Variants in CUX2 observed in about 807,000 individuals in gnomAD.
CUX2 encodes the protein cut like homeobox 2, also known as homeobox protein cut-like 2.
A neutral mutation model predicts 144.8 loss-of-function variants in CUX2; 40 were observed. The ratio of observed to expected loss-of-function variants is 0.28; its 90% CI spans 0.21 to 0.36. The LOEUF (loss-of-function observed/expected upper bound fraction) is 0.36, where lower values mean the gene tolerates loss of function less well. Ranked by LOEUF, CUX2 falls within the 10% of genes least tolerant of loss-of-function variation. CUX2 has a pLI of 1.00. For synonymous variants in CUX2, 827 were observed against 875.6 expected (o/e 0.94, Z 0.98); for missense variants, 1,615 against 1,994.0 (o/e 0.81, Z 3.62).
chr12:111,076,750 T>C (rs949553761), intron 1 of CUX2, among the ~76,000 whole-genome samples: 1 of 152,212 alleles, frequency 6.6e-6, no homozygotes, highest in Non-Finnish European at 1.5e-5. Flanking sequence ...GGTCAGCCGT[T>C]GACTACGGGC....
At chr12:111,110,237 G>A (rs1429084773) in intron 1 of CUX2, among the ~76,000 whole-genome samples, 1 of 152,090 alleles carries the variant, frequency 6.6e-6, no homozygotes, top group African/African-American at 2.4e-5. Flanking sequence ...AAGGCCACTT[G>A]TGATCCATCC....
intron 1 of CUX2, among the ~76,000 whole-genome samples, chr12:111,056,001 G>A (rs1038803024): frequency 1.3e-5 from 2 of 152,180 alleles, no homozygotes; most frequent in Non-Finnish European, 1.5e-5. Context: ...GGCTTCCTGC[G>A]TTCTTTCCCC....
In CUX2 at chr12:111,322,526, T is replaced by TGGCTCTC; in HGVS notation, c.2873_2879dup (p.Asp961AlafsTer3). The TGGCTCTC allele has an allele frequency of 6.2e-7, 1 of 1,609,626 alleles. No individual in the cohort carries two copies. Among genetic ancestry groups the TGGCTCTC allele is most frequent in the Non-Finnish European group, 8.5e-7 (1 of 1,179,262 alleles). On this transcript the variant is annotated frameshift_variant, in exon 18 of 22. Transcript: ENST00000261726. LOFTEE classifies it high-confidence loss of function. This position sits in a 1 kb window ranked among gnomAD's most constrained non-coding sequence, Gnocchi z 4.2. ...GGAGCCCTTCATCCGCATGCAGCTGTGGCTCTCTGACCAGCTCGGCCAGGC... is the reference window on the plus strand; with the variant it reads ...GGAGCCCTTCATCCGCATGCAGCTGTGGCTCTCGGCTCTCTGACCAGCTCGGCCAGGC...
intron 1 of CUX2, among the ~76,000 whole-genome samples, chr12:111,089,979 TG>T (rs1257812415): frequency 6.6e-6 from 1 of 151,986 alleles, no homozygotes; most frequent in Non-Finnish European, 1.5e-5. Flanking sequence ...GTGATGCAGG[TG>T]GGCTTAATGT....
At chr12:111,081,975 C>T (rs1361945600) in intron 1 of CUX2, among the ~76,000 whole-genome samples, 1 of 152,188 alleles carries the variant, frequency 6.6e-6, no homozygotes, top group African/African-American at 2.4e-5. Flanking sequence ...AATGCCCCGG[C>T]TCCCTCACCC....
chr12:111,134,620 C>CTGTGTGTGTGTGTGTGTGTG (rs750270262), intron 1 of CUX2, among the ~76,000 whole-genome samples: 10 of 142,206 alleles, frequency 7.0e-5, no homozygotes, highest in African/African-American at 2.5e-4. Flanking sequence ...CTCTCTCTCT[C>CTGTGTGTGTGTGTGTGTGTG]TGTGTGTGTG....
chr12:111,244,051 A>G (rs1025811113), intron 3 of CUX2, among the ~76,000 whole-genome samples: 1 of 152,138 alleles, frequency 6.6e-6, no homozygotes, highest in African/African-American at 2.4e-5. Context: ...TTGAATTCAG[A>G]ACTGGTTGGT....
chr12:111,341,700 C>A, intron 20 of CUX2, 80 bp from the exon 21 acceptor site: 1 of 1,482,212 alleles, frequency 6.7e-7, no homozygotes, highest in Non-Finnish European at 9.0e-7. Context: ...AGATGCACTC[C>A]CACCATGGAA....
At chr12:111,137,997 TGGAAAGAGACCGTATG>T (rs2136119281) in intron 1 of CUX2, among the ~76,000 whole-genome samples, 1 of 152,354 alleles carries the variant, frequency 6.6e-6, no homozygotes, top group East Asian at 1.9e-4. Context: ...TCTGGGCATC[TGGAAAGAGACCGTATG>T]GGTAGGCCAT....
chr12:111,344,404 G>A (rs963469755), intron 21 of CUX2, among the ~76,000 whole-genome samples: 5 of 152,208 alleles, frequency 3.3e-5, no homozygotes, highest in Non-Finnish European at 7.3e-5. Flanking sequence ...CTTTACAGAA[G>A]TGGTATTTGA....
chr12:111,175,026 C>G (rs181821039), intron 1 of CUX2, among the ~76,000 whole-genome samples: 7 of 152,270 alleles, frequency 4.6e-5, no homozygotes, highest in African/African-American at 9.6e-5. Context: ...GCAGCTCCCC[C>G]CCACACACAG....
At chr12:111,308,868 G>A (rs1312085361) in intron 14 of CUX2, among the ~76,000 whole-genome samples, 2 of 152,148 alleles carry the variant, frequency 1.3e-5, no homozygotes, top group Non-Finnish European at 2.9e-5. Flanking sequence ...CCACTGTGGG[G>A]AGCAGTAGGC....
chr12:111,151,003 G>T (rs1164975518), intron 1 of CUX2, among the ~76,000 whole-genome samples: 1 of 152,116 alleles, frequency 6.6e-6, no homozygotes, highest in Non-Finnish European at 1.5e-5. Context: ...CTGATTCCTA[G>T]AAAAAGATAA....
rs1482018491 is a variant in CUX2, at chr12:111,077,215, C to T, written c.63+42975C>T. Reference sequence around the variant, plus strand: ...CAAATAGTGCTCCCAAACCCCGCAGCGCCCCCGAGGCCCAAGCTGGCCTCT... The same window carrying T: ...CAAATAGTGCTCCCAAACCCCGCAGTGCCCCCGAGGCCCAAGCTGGCCTCT... On this transcript the variant is annotated intron_variant, in intron 1 of 21. Coordinates refer to ENST00000261726, the MANE Select transcript of CUX2 (RefSeq NM_015267.4). The surrounding 1 kb of genome is among the most constrained non-coding windows in gnomAD (Gnocchi z 4.1). Among the ~76,000 whole-genome samples the T allele has an allele frequency of 6.6e-6, 1 of 152,160 alleles. No individual in the cohort carries two copies. Among genetic ancestry groups the T allele is most frequent in the Non-Finnish European group, 1.5e-5 (1 of 68,038 alleles).
chr12:111,079,524 G>A (rs1871747710), intron 1 of CUX2, among the ~76,000 whole-genome samples: 1 of 152,098 alleles, frequency 6.6e-6, no homozygotes, highest in Non-Finnish European at 1.5e-5. Context: ...TCCCTTCCCT[G>A]CTGTGTTTTC....
chr12:111,183,236 G>A (rs1253725445), intron 1 of CUX2, among the ~76,000 whole-genome samples: 3 of 152,236 alleles, frequency 2.0e-5, no homozygotes, highest in Non-Finnish European at 2.9e-5. Context: ...ACATCCAGTC[G>A]GGACTCAGCT....
intron 1 of CUX2, among the ~76,000 whole-genome samples, chr12:111,187,017 G>T (rs1458506789): frequency 1.3e-5 from 2 of 152,156 alleles, no homozygotes; most frequent in African/African-American, 2.4e-5. Context: ...GACCTCAAGT[G>T]ATCCACCCAC....
At chr12:111,308,673 A>G in intron 14 of CUX2, 147 bp downstream of exon 14, 1 of 682,112 alleles carries the variant, frequency 1.5e-6, no homozygotes, top group South Asian at 1.8e-5. Flanking sequence ...CACCTGCTGT[A>G]TGCCTGTCCT....
chr12:111,119,501 A>G (rs1874502516), intron 1 of CUX2, among the ~76,000 whole-genome samples: 1 of 152,120 alleles, frequency 6.6e-6, no homozygotes, highest in African/African-American at 2.4e-5. Context: ...ATTACCTTGA[A>G]TGTTCCCACT....
Sources: allele counts gnomAD v4.1 joint callset (sites outside exome capture counted in the v4.1 genomes callset), GRCh38; gene constraint gnomAD v4.1.1; non-coding constraint Gnocchi (gnomAD v3.1); transcripts MANE v1.5; gene names NCBI Gene and HGNC (gene_info 2026-07-23, HGNC 2026-07-21).